Variants in UBE2E2 observed in about 807,000 individuals in gnomAD.
The protein encoded by UBE2E2 is ubiquitin conjugating enzyme E2 E2.
Under a neutral mutation model 24.7 loss-of-function variants are expected in UBE2E2, and 6 were observed. The ratio of observed to expected loss-of-function variants is 0.24; its 90% CI spans 0.13 to 0.48. UBE2E2 has a LOEUF of 0.48. Ranked by LOEUF, UBE2E2 falls within the 20% of genes least tolerant of loss-of-function variation. UBE2E2 has a pLI of 0.99. For synonymous variants in UBE2E2, 104 were observed against 83.6 expected (o/e 1.24, Z -1.33); for missense variants, 169 against 245.0 (o/e 0.69, Z 2.07).
chr3:23,272,591 G>A (rs1049807510), intron 3 of UBE2E2, among the ~76,000 whole-genome samples: 2 of 152,170 alleles, frequency 1.3e-5, no homozygotes, highest in South Asian at 2.1e-4. Flanking sequence ...TGTGTGAAAG[G>A]GAGTTTTGCA....
At chr3:23,352,828 T>C (rs919546971) in intron 3 of UBE2E2, among the ~76,000 whole-genome samples, 3 of 152,162 alleles carry the variant, frequency 2.0e-5, no homozygotes, top group Non-Finnish European at 2.9e-5. Context: ...GGTACGATTC[T>C]TTCTGAAACT....
intron 3 of UBE2E2, among the ~76,000 whole-genome samples, chr3:23,336,682 A>G (rs551795348): frequency 4.6e-5 from 7 of 152,356 alleles, no homozygotes; most frequent in Admixed American, 3.9e-4. Context: ...AATAAGTGAT[A>G]GTTAACGAAA....
At chr3:23,207,869 A>G (rs1162877351) in intron 1 of UBE2E2, among the ~76,000 whole-genome samples, 2 of 152,168 alleles carry the variant, frequency 1.3e-5, no homozygotes, top group Admixed American at 1.3e-4. Flanking sequence ...TTAAAAATGT[A>G]CAACTCTGTA....
chr3:23,475,068 C>T (rs1011267929), intron 3 of UBE2E2, among the ~76,000 whole-genome samples: 1 of 152,086 alleles, frequency 6.6e-6, no homozygotes, highest in Non-Finnish European at 1.5e-5. Flanking sequence ...ACATTCTTCT[C>T]CTCGAAGTGC....
chr3:23,567,079 T>G (rs2125508912), intron 5 of UBE2E2, among the ~76,000 whole-genome samples: 1 of 152,346 alleles, frequency 6.6e-6, no homozygotes, highest in East Asian at 1.9e-4. Context: ...CAGTGAATAT[T>G]ATTTAGTCAT....
At chr3:23,227,376 A>G (rs1212699132) in intron 3 of UBE2E2, among the ~76,000 whole-genome samples, 3 of 152,126 alleles carry the variant, frequency 2.0e-5, no homozygotes, top group Non-Finnish European at 4.4e-5. Flanking sequence ...AGTCTTTTCG[A>G]GGGAGGCATA....
chr3:23,589,877 C>G lies in UBE2E2; in HGVS notation c.*46C>G, dbSNP rs1213156856. The G allele has an allele frequency of 6.3e-7, 1 of 1,586,576 alleles. No individual in the cohort carries two copies. Among genetic ancestry groups the G allele is most frequent in the Non-Finnish European group, 8.6e-7 (1 of 1,156,210 alleles). ...CGCGGGACCTGTGCAAGCACATTCA[C>G]CAAGTGCATCGGTAGCCCTGCCCAC... is the stretch of plus-strand genomic sequence containing the variant. On this transcript the variant is annotated 3_prime_UTR_variant, in exon 6 of 6. Transcript: ENST00000396703. This position sits in a 1 kb window ranked among gnomAD's most constrained non-coding sequence, Gnocchi z 4.1.
intron 4 of UBE2E2, among the ~76,000 whole-genome samples, chr3:23,532,049 G>A (rs1342745298): frequency 1.5e-5 from 2 of 133,902 alleles, no homozygotes; most frequent in Admixed American, 8.1e-5. Flanking sequence ...GCAACAGAGC[G>A]AAACTCTATC....
At chr3:23,452,481 A>G (rs1399612542) in intron 3 of UBE2E2, among the ~76,000 whole-genome samples, 2 of 152,146 alleles carry the variant, frequency 1.3e-5, no homozygotes, top group Non-Finnish European at 2.9e-5. Context: ...AATTTTTGAG[A>G]GACTTTAGAA....
chr3:23,321,657 T>A (rs916563254), intron 3 of UBE2E2, among the ~76,000 whole-genome samples: 7 of 147,980 alleles, frequency 4.7e-5, no homozygotes, highest in South Asian at 2.2e-4. Flanking sequence ...TAGTCTCTTA[T>A]CTCGAATGCC....
At chr3:23,340,303 A>T (rs972518570) in intron 3 of UBE2E2, among the ~76,000 whole-genome samples, 1 of 152,206 alleles carries the variant, frequency 6.6e-6, no homozygotes, top group Non-Finnish European at 1.5e-5. Context: ...TTTAGCTAAA[A>T]TACAGAGTAT....
At chr3:23,394,235 T>C (rs1206272058) in intron 3 of UBE2E2, among the ~76,000 whole-genome samples, 1 of 152,234 alleles carries the variant, frequency 6.6e-6, no homozygotes, top group African/African-American at 2.4e-5. Context: ...TGGTTCTTTT[T>C]GTAACAAGTT....
intron 5 of UBE2E2, among the ~76,000 whole-genome samples, chr3:23,552,017 C>T (rs1237415455): frequency 6.6e-6 from 1 of 152,144 alleles, no homozygotes; most frequent in Admixed American, 6.5e-5. Flanking sequence ...GAGGACACAT[C>T]CAGAAGGCAG....
Position 23,507,842 on chromosome 3 carries a change from A to G in UBE2E2, c.360+8102A>G, listed in dbSNP as rs938104329. 4.6e-5 allele frequency among the ~76,000 whole-genome samples: 7 copies of G among 152,154 alleles called. 1 individual carries two copies. The South Asian group carries it at 1.4e-3, about 32-fold the overall frequency. ...TGAGGAGGAAAGAATGTTAGAAGAG[A>G]TTTTGTGTGCCTTTCTGTTTTGCCA... On this transcript the variant is annotated intron_variant, in intron 4 of 5. Transcript: ENST00000396703.
At chr3:23,337,554 A>G (rs1252551684) in intron 3 of UBE2E2, among the ~76,000 whole-genome samples, 1 of 152,198 alleles carries the variant, frequency 6.6e-6, no homozygotes, top group African/African-American at 2.4e-5. Context: ...ATAGGAGTCT[A>G]ACCCAGACTG....
At chr3:23,269,587 G>A (rs897827082) in intron 3 of UBE2E2, among the ~76,000 whole-genome samples, 2 of 152,260 alleles carry the variant, frequency 1.3e-5, no homozygotes, top group African/African-American at 4.8e-5. Flanking sequence ...GGAGCAGAGA[G>A]GAAAAATTTG....
intron 3 of UBE2E2, among the ~76,000 whole-genome samples, chr3:23,424,918 A>G (rs1042425934): frequency 1.3e-5 from 2 of 152,182 alleles, no homozygotes; most frequent in Non-Finnish European, 2.9e-5. Context: ...ATTTATGGAT[A>G]ATTAGAGTCA....
intron 3 of UBE2E2, among the ~76,000 whole-genome samples, chr3:23,290,143 T>C (rs933675135): frequency 1.3e-4 from 20 of 152,212 alleles, no homozygotes; most frequent in Non-Finnish European, 2.5e-4. Context: ...CACACACACA[T>C]ACGCACACAT....
At chr3:23,411,378 TG>T (rs1240883192) in intron 3 of UBE2E2, among the ~76,000 whole-genome samples, 4 of 152,152 alleles carry the variant, frequency 2.6e-5, no homozygotes, top group Non-Finnish European at 2.9e-5. Context: ...TTCTAGACTT[TG>T]GGGAGAAAAG....
Sources: gnomAD v4.1 joint callset for allele counts (sites outside exome capture counted in the v4.1 genomes callset) on GRCh38, gnomAD v4.1.1 for gene constraint, Gnocchi (gnomAD v3.1) non-coding constraint, MANE v1.5 for transcripts, NCBI Gene and HGNC (gene_info 2026-07-23, HGNC 2026-07-21) for gene names.